The following TMEM209 variants were observed in gnomAD, a reference collection of about 807,000 sequenced individuals.
TMEM209 encodes the protein transmembrane protein 209.
TMEM209 carries 65 observed loss-of-function variants against 76.2 expected under a neutral mutation model. The observed-to-expected ratio is 0.85, with a 90% CI of 0.70 to 1.05. TMEM209 has a LOEUF of 1.05. Among genes scored for constraint, TMEM209 ranks in the 50% least tolerant of loss-of-function variants. The probability of loss-of-function intolerance (pLI) is 0.00; values close to 1 mark genes in which losing one functional copy is unlikely to be tolerated. For missense variants in TMEM209, 623 were observed against 685.5 expected, an observed-to-expected ratio of 0.91 and a Z score of 1.02; for synonymous variants, 239 against 237.6, an observed-to-expected ratio of 1.01 and a Z score of -0.06.
intron 6 of TMEM209, among the ~76,000 whole-genome samples, chr7:130,186,219 A>AT (rs1426247212): frequency 6.6e-5 from 10 of 152,036 alleles, no homozygotes; most frequent in Non-Finnish European, 7.4e-5. Context: ...AATAGAAACA[A>AT]TTTTTTTTAA....
chr7:130,205,367 A>ACG lies in TMEM209; in HGVS notation c.3+4_3+5dup. The ACG allele has an allele frequency of 6.2e-7, 1 of 1,613,890 alleles. No homozygotes were observed. The highest frequency in any genetic ancestry group is 1.6e-4 in the Middle Eastern group (1 of 6,062). On this transcript the variant is annotated splice_donor_region_variant and intron_variant, in intron 1 of 14. Coordinates refer to ENST00000397622, the MANE Select transcript of TMEM209 (RefSeq NM_032842.4). ...AGGAAGCACAAACACGACCCCGAAA[A>ACG]CGCACCATGTCCTCTGGCCGGAAAA...
Position 130,185,286 on chromosome 7 carries a change from A to C in TMEM209, c.857T>G (p.Leu286Ter). 1 of 1,613,970 alleles carries C rather than the reference A, an allele frequency of 6.2e-7. No homozygotes were observed. Among genetic ancestry groups the C allele is most frequent in the Non-Finnish European group, 8.5e-7 (1 of 1,179,862 alleles). The change falls in exon 7 of 15, where the codon TTA becomes TGA. Residue 286 changes from leucine to a stop codon, truncating the protein, a stop_gained. Transcript: ENST00000397622. LOFTEE classifies it high-confidence loss of function. ...SRSMGDYAQT[L>*]KKFQYQLACR... is the part of the protein sequence containing the mutation. ...GGCAAGCTGATACTGAAACTTCTTTAAAGTTTGTGCATAATCCCCCATAGA... is the reference window on the plus strand; with the variant it reads ...GGCAAGCTGATACTGAAACTTCTTTCAAGTTTGTGCATAATCCCCCATAGA...
chr7:130,196,676 T>C (rs916857567), intron 5 of TMEM209, among the ~76,000 whole-genome samples: 6 of 152,122 alleles, frequency 3.9e-5, no homozygotes, highest in Non-Finnish European at 8.8e-5. Context: ...AGAAAGGCCA[T>C]GGCAGGGCAA....
At chr7:130,174,965 C>T (rs1054060039) in intron 11 of TMEM209, among the ~76,000 whole-genome samples, 3 of 151,514 alleles carry the variant, frequency 2.0e-5, no homozygotes, top group Non-Finnish European at 2.9e-5. Flanking sequence ...TTTTACATAC[C>T]GGAGAATTAC....
rs865830340 is a variant in TMEM209, at chr7:130,173,538, T to A, written c.1557+94A>T. On this transcript the variant is annotated intron_variant, in intron 13 of 14. Transcript: ENST00000397622. ...CACATTTCCAATTTAAAAAATTTACTTCTTCTATTAACATGAGATTATAAT... is the reference window on the plus strand; with the variant it reads ...CACATTTCCAATTTAAAAAATTTACATCTTCTATTAACATGAGATTATAAT... The A allele has an allele frequency of 6.6e-5, 60 of 911,910 alleles. 1 individual carries two copies. The highest frequency in any genetic ancestry group is 3.5e-4 in the Middle Eastern group (1 of 2,890). 56.5% of individuals were successfully genotyped at this position (911,910 alleles called of 1,614,324 possible). A position where few individuals can be genotyped will look rare whatever the true frequency, so the allele number is the denominator to read the frequency against.
At chr7:130,191,260 T>C (rs938782863) in intron 6 of TMEM209, among the ~76,000 whole-genome samples, 1 of 151,440 alleles carries the variant, frequency 6.6e-6, no homozygotes, top group Non-Finnish European at 1.5e-5. Flanking sequence ...ACCAGAATGA[T>C]ATTCACAATT....
At chr7:130,191,969 AGTCATG>A (rs1215449922) in intron 6 of TMEM209, among the ~76,000 whole-genome samples, 11 of 152,250 alleles carry the variant, frequency 7.2e-5, no homozygotes, top group African/African-American at 2.7e-4. Context: ...CGACACAAAG[AGTCATG>A]GTCCAATAAC....
intron 8 of TMEM209, among the ~76,000 whole-genome samples, chr7:130,182,968 G>T (rs1450758814): frequency 1.3e-5 from 2 of 152,124 alleles, no homozygotes; most frequent in African/African-American, 4.8e-5. Flanking sequence ...GTGTTAACTA[G>T]ACTCTGGTGT....
chr7:130,201,819 A>AT, intron 5 of TMEM209, 31 bp downstream of exon 5: 1 of 1,612,246 alleles, frequency 6.2e-7, no homozygotes, highest in Non-Finnish European at 8.5e-7. Flanking sequence ...TTCTAAAATA[A>AT]TGTGACTAGA....
chr7:130,182,481 G>A (rs1797456300), intron 8 of TMEM209, among the ~76,000 whole-genome samples: 1 of 152,104 alleles, frequency 6.6e-6, no homozygotes, highest in African/African-American at 2.4e-5. Flanking sequence ...ACTCTCAGCA[G>A]GCTCACCCAA....
Position 130,170,382 on chromosome 7 carries a change from T to G in TMEM209, c.1631+18A>C, listed in dbSNP as rs866669260. ...ATCAGTAAATAACTACTTACGTTTT[T>G]AAAGCATAAGTACCTACCCAAGCAT... On this transcript the variant is annotated intron_variant, in intron 14 of 14. Coordinates refer to ENST00000397622, the MANE Select transcript of TMEM209 (RefSeq NM_032842.4). 3.1e-6 allele frequency: 5 copies of G among 1,588,646 alleles called. No homozygotes were observed. In the Middle Eastern group the frequency reaches 8.4e-4, roughly 267 times the overall value.
rs764825753 is a variant in TMEM209 at position 130,181,648 on chromosome 7, C to A, written c.1095G>T (p.Met365Ile). 2.9e-5 allele frequency: 47 copies of A among 1,612,296 alleles called. No individual in the cohort carries two copies. The highest frequency in any genetic ancestry group is 3.0e-5 in the Non-Finnish European group (35 of 1,179,282). The change falls in exon 9 of 15, where the codon ATG becomes ATT. Residue 365 changes from methionine (M) to isoleucine (I), a missense_variant. Coordinates refer to ENST00000397622, the MANE Select transcript of TMEM209 (RefSeq NM_032842.4). ...IESVSTQMRR[M>I]GCPELQIGEA... The stretch of plus-strand genomic sequence containing the variant: ...CTCCTATCTGTAGCTCTGGACAACC[C>A]ATTCGTCTCATCTGTGTGCTGACAG...
chr7:130,183,876 A>G (rs1797506053), intron 8 of TMEM209, among the ~76,000 whole-genome samples: 1 of 152,232 alleles, frequency 6.6e-6, no homozygotes, highest in Non-Finnish European at 1.5e-5. Context: ...GGTAAATAAA[A>G]GGCTCCAATA....
Position 130,166,040 on chromosome 7 carries a change from C to T in TMEM209, c.*411G>A, listed in dbSNP as rs1265185349. ...GCCACTGCACTCCAGTCTGCGTTGA[C>T]AGAGACCCTCTCTAAAAAAAAAAAA... On this transcript the variant is annotated 3_prime_UTR_variant, in exon 15 of 15. Coordinates refer to ENST00000397622, the MANE Select transcript of TMEM209 (RefSeq NM_032842.4). 6.5e-6 allele frequency: 1 copy of T among 153,270 alleles called. No individual in the cohort carries two copies. Among genetic ancestry groups the T allele is most frequent in the Non-Finnish European group, 1.4e-5 (1 of 70,032 alleles). The allele number at this position is 153,270 out of a possible 1,614,324, so 9.5% of individuals were successfully genotyped here.
At position 130,185,251 on chromosome 7, in the gene TMEM209, G is replaced by A; in HGVS notation, c.892C>T (p.Gln298Ter). The A allele has an allele frequency of 6.2e-7, 1 of 1,614,004 alleles. No homozygotes were observed. The highest frequency in any genetic ancestry group is 1.1e-5 in the South Asian group (1 of 91,076). ...KFQYQLACRS[Q>*]APCANKDEAD... Reference sequence around the variant, plus strand: ...TCATCTTTGTTAGCACATGGGGCCTGAGACCTACAGGCAAGCTGATACTGA... The same window carrying A: ...TCATCTTTGTTAGCACATGGGGCCTAAGACCTACAGGCAAGCTGATACTGA... Residue 298 changes from glutamine (Q) to a stop codon, truncating the protein, a stop_gained, in exon 7 of 15, where the codon CAG becomes TAG. Transcript: ENST00000397622. LOFTEE classifies it high-confidence loss of function.
At chr7:130,173,007 A>G (rs1204104932) in intron 13 of TMEM209, among the ~76,000 whole-genome samples, 5 of 151,236 alleles carry the variant, frequency 3.3e-5, no homozygotes, top group Non-Finnish European at 7.4e-5. Flanking sequence ...TCAAAAAAAA[A>G]AAAAAAAAAA....
chr7:130,191,998 C>T (rs1222071272), intron 6 of TMEM209, among the ~76,000 whole-genome samples: 1 of 152,180 alleles, frequency 6.6e-6, no homozygotes, highest in African/African-American at 2.4e-5. Flanking sequence ...GCTTCCTCGC[C>T]ACAGCTGAGT....
chr7:130,200,281 T>C (rs997535245), intron 5 of TMEM209, among the ~76,000 whole-genome samples: 1 of 152,130 alleles, frequency 6.6e-6, no homozygotes, highest in Non-Finnish European at 1.5e-5. Context: ...TTGAAATAAA[T>C]GTATGTTAAA....
At chr7:130,189,107 A>G (rs532092507) in intron 6 of TMEM209, among the ~76,000 whole-genome samples, 9 of 152,176 alleles carry the variant, frequency 5.9e-5, no homozygotes, top group Non-Finnish European at 1.3e-4. Context: ...AAAAAAAAGC[A>G]CTACAAGGGT....
Sources: allele counts gnomAD v4.1 joint callset (sites outside exome capture counted in the v4.1 genomes callset), GRCh38; gene constraint gnomAD v4.1.1; transcripts MANE v1.5; gene names NCBI Gene and HGNC (gene_info 2026-07-23, HGNC 2026-07-21).